The following ACAP2 variants were observed in gnomAD, a reference collection of about 807,000 sequenced individuals.
ACAP2 encodes ArfGAP with coiled-coil, ankyrin repeat and PH domains 2, also known as arf-GAP with coiled-coil, ANK repeat and PH domain-containing protein 2.
A neutral mutation model predicts 115.8 loss-of-function variants in ACAP2; 39 were observed. The observed-to-expected ratio is 0.34, with a 90% CI of 0.26 to 0.44. The LOEUF (loss-of-function observed/expected upper bound fraction) is 0.44, where lower values mean the gene tolerates loss of function less well. ACAP2 is among the 20% of genes least tolerant of loss of function. The pLI, the probability that ACAP2 is intolerant of heterozygous loss-of-function variation, is 1.00. For synonymous variants in ACAP2, 289 were observed against 315.8 expected (o/e 0.92, Z 0.90); for missense variants, 662 against 927.6 (o/e 0.71, Z 3.72).
chr3:195,362,317 C>CA (rs755987847), intron 4 of ACAP2, among the ~76,000 whole-genome samples: 3,429 of 67,198 alleles, frequency 0.051, 97 homozygotes, highest in East Asian at 0.17. Flanking sequence ...AACTCCATCT[C>CA]AAAAAAAAAA....
At chr3:195,377,047 C>T (rs554721055) in intron 4 of ACAP2, among the ~76,000 whole-genome samples, 11 of 149,652 alleles carry the variant, frequency 7.4e-5, no homozygotes, top group African/African-American at 2.7e-4. Context: ...AAATTTAAAT[C>T]TTATAATAAA....
chr3:195,333,817 T>G (rs1197837885), intron 7 of ACAP2, among the ~76,000 whole-genome samples: 2 of 152,132 alleles, frequency 1.3e-5, no homozygotes, highest in Non-Finnish European at 2.9e-5. Context: ...AAATATAAAG[T>G]GCTCAAAATA....
At chr3:195,438,627 TCAGGAGGCTGCGG>T (rs975458116) in intron 1 of ACAP2, among the ~76,000 whole-genome samples, 3 of 152,162 alleles carry the variant, frequency 2.0e-5, no homozygotes, top group African/African-American at 7.2e-5. Context: ...TCCCAGCTAC[TCAGGAGGCTGCGG>T]CAGGAGAATC....
intron 1 of ACAP2, among the ~76,000 whole-genome samples, chr3:195,424,281 ATATTTTTTTTTTT>A (rs1371665762): frequency 5.7e-4 from 28 of 49,378 alleles, no homozygotes; most frequent in African/African-American, 2.0e-3. Context: ...ATATATATAT[ATATTTTTTTTTTT>A]TTTTTTTTTT....
At chr3:195,289,024 G>T in intron 21 of ACAP2, 97 bp downstream of exon 21, 3 of 830,640 alleles carry the variant, frequency 3.6e-6, no homozygotes, top group Non-Finnish European at 5.8e-6. Context: ...TGTGGATGTT[G>T]GTATCCACAG....
chr3:195,428,013 GATA>G (rs572559820), intron 1 of ACAP2, among the ~76,000 whole-genome samples: 1,836 of 151,308 alleles, frequency 0.012, 31 homozygotes, highest in African/African-American at 0.04. Context: ...ACGTCTAAAA[GATA>G]ATTAGTCTAA....
chr3:195,407,727 T>C (rs1299885618), intron 1 of ACAP2, among the ~76,000 whole-genome samples: 1 of 151,672 alleles, frequency 6.6e-6, no homozygotes, highest in Non-Finnish European at 1.5e-5. Context: ...ATCTCAGAGA[T>C]CAATAACCTA....
At chr3:195,326,549 CACTTTTACA>C (rs936270987) in intron 9 of ACAP2, 3 of 223,966 alleles carry the variant, frequency 1.3e-5, no homozygotes, top group African/African-American at 6.9e-5. Flanking sequence ...CACGGACACA[CACTTTTACA>C]GGGAGTTGGT....
intron 13 of ACAP2, among the ~76,000 whole-genome samples, chr3:195,302,816 G>GCACC (rs1728153410): frequency 6.6e-6 from 1 of 152,202 alleles, no homozygotes; most frequent in Non-Finnish European, 1.5e-5. Flanking sequence ...GCCGAGAGCG[G>GCACC]TGTCACCCCT....
At chr3:195,330,923 G>C (rs1730123957) in intron 8 of ACAP2, among the ~76,000 whole-genome samples, 5 of 152,110 alleles carry the variant, frequency 3.3e-5, no homozygotes, top group Admixed American at 3.3e-4. Context: ...GCTAAAGCTT[G>C]ATTAGCCACT....
At chr3:195,340,666 A>G (rs1730807577) in intron 6 of ACAP2, among the ~76,000 whole-genome samples, 1 of 152,198 alleles carries the variant, frequency 6.6e-6, no homozygotes, top group Admixed American at 6.5e-5. Context: ...AGTGTGGTCC[A>G]CCACTGCAGT....
intron 1 of ACAP2, among the ~76,000 whole-genome samples, chr3:195,424,291 T>G (rs1324198822): frequency 1.9e-5 from 1 of 52,478 alleles, no homozygotes; most frequent in African/African-American, 7.7e-5. Flanking sequence ...ATATTTTTTT[T>G]TTTTTTTTTT....
At chr3:195,326,997 A>C (rs1729839517) in intron 8 of ACAP2, 38 bp from the exon 9 acceptor site, 1 of 1,556,944 alleles carries the variant, frequency 6.4e-7, no homozygotes, top group Non-Finnish European at 8.8e-7. Context: ...AGACTTAAAA[A>C]AAGTATGGAT....
chr3:195,292,126 C>G (rs1026004244), intron 19 of ACAP2, 139 bp downstream of exon 19: 6 of 1,082,096 alleles, frequency 5.5e-6, no homozygotes, highest in Admixed American at 6.8e-5. Flanking sequence ...GAAACCACTA[C>G]TATTAATAGC....
intron 9 of ACAP2, among the ~76,000 whole-genome samples, chr3:195,321,754 A>T (rs557848928): frequency 3.5e-4 from 53 of 151,262 alleles, no homozygotes; most frequent in Non-Finnish European, 6.8e-4. Flanking sequence ...CTGGGACTAC[A>T]GACGTTTGCC....
intron 6 of ACAP2, among the ~76,000 whole-genome samples, chr3:195,341,163 C>T (rs1047134984): frequency 1.3e-5 from 2 of 152,020 alleles, no homozygotes; most frequent in Non-Finnish European, 2.9e-5. Flanking sequence ...TATAGAAACA[C>T]GCAATATAAT....
intron 1 of ACAP2, among the ~76,000 whole-genome samples, chr3:195,396,574 G>C (rs146556064): frequency 6.6e-6 from 1 of 151,886 alleles, no homozygotes; most frequent in East Asian, 1.9e-4. Context: ...GATCACTTGA[G>C]GTCAGGAGTT....
At chr3:195,292,199 A>G (rs1366587844) in intron 19 of ACAP2, 66 bp downstream of exon 19, 1 of 1,491,046 alleles carries the variant, frequency 6.7e-7, no homozygotes, top group Non-Finnish European at 8.9e-7. Context: ...AAGCCAGTTC[A>G]GAACATATTA....
chr3:195,283,215 G>A (rs934014897), intron 22 of ACAP2, among the ~76,000 whole-genome samples: 4 of 152,128 alleles, frequency 2.6e-5, no homozygotes, highest in South Asian at 4.1e-4. Context: ...TGAGAGAAGA[G>A]TGTGCTGTTT....
Sources: gnomAD v4.1 joint callset for allele counts (sites outside exome capture counted in the v4.1 genomes callset) on GRCh38, gnomAD v4.1.1 for gene constraint, MANE v1.5 for transcripts, NCBI Gene and HGNC (gene_info 2026-07-23, HGNC 2026-07-21) for gene names.